KIF26B: variants seen among roughly 807,000 people sequenced by gnomAD.
The protein encoded by KIF26B is kinesin-like protein KIF26B.
In KIF26B, 63 loss-of-function variants were observed where a neutral mutation model predicts 151.2. The ratio of observed to expected loss-of-function variants is 0.42; its 90% CI spans 0.34 to 0.51. The LOEUF (loss-of-function observed/expected upper bound fraction) is 0.51, where lower values mean the gene tolerates loss of function less well. KIF26B is among the 20% of genes least tolerant of loss of function. KIF26B has a pLI of 0.07. For missense variants in KIF26B, 2,813 were observed against 2,913.6 expected (o/e 0.97, Z 0.79); for synonymous variants, 1,357 against 1,262.1 (o/e 1.08, Z -1.59).
chr1:245,466,005 C>T (rs1382160764), intron 4 of KIF26B, among the ~76,000 whole-genome samples: 1 of 152,216 alleles, frequency 6.6e-6, no homozygotes, highest in African/African-American at 2.4e-5. Context: ...TGGACCTGGA[C>T]GGGCAAGTGT....
chr1:245,598,723 C>G (rs2043359852), intron 5 of KIF26B, among the ~76,000 whole-genome samples: 1 of 152,160 alleles, frequency 6.6e-6, no homozygotes. Context: ...CCGTCCAGAA[C>G]AAGGTGCTGA....
At chr1:245,163,690 AAG>A (rs1668569199) in intron 2 of KIF26B, among the ~76,000 whole-genome samples, 2 of 152,198 alleles carry the variant, frequency 1.3e-5, no homozygotes, top group South Asian at 4.1e-4. Flanking sequence ...AGCAATTTTT[AAG>A]AGTTTCTTCA....
At chr1:245,275,123 G>A (rs909531329) in intron 2 of KIF26B, among the ~76,000 whole-genome samples, 14 of 152,138 alleles carry the variant, frequency 9.2e-5, no homozygotes, top group Non-Finnish European at 2.1e-4. Flanking sequence ...CCACATAAAT[G>A]TCTTCTTTTG....
intron 3 of KIF26B, among the ~76,000 whole-genome samples, chr1:245,369,790 C>A (rs1350884525): frequency 6.6e-6 from 1 of 152,160 alleles, no homozygotes; most frequent in Admixed American, 6.5e-5. Context: ...CCTTTTCAGA[C>A]CTGGTGTCAC....
intron 5 of KIF26B, among the ~76,000 whole-genome samples, chr1:245,576,986 A>G (rs2043124578): frequency 6.6e-6 from 1 of 152,176 alleles, no homozygotes; most frequent in African/African-American, 2.4e-5. Flanking sequence ...CATTTCACTT[A>G]TATACTTTGG....
At chr1:245,190,259 A>G (rs1191279159) in intron 2 of KIF26B, among the ~76,000 whole-genome samples, 2 of 152,186 alleles carry the variant, frequency 1.3e-5, no homozygotes, top group African/African-American at 4.8e-5. Flanking sequence ...TCAGCAGCCT[A>G]TGGGATGTTC....
chr1:245,553,805 G>T (rs1233134256), intron 5 of KIF26B, among the ~76,000 whole-genome samples: 2 of 152,148 alleles, frequency 1.3e-5, no homozygotes, highest in Non-Finnish European at 2.9e-5. Flanking sequence ...AGGCACCCGG[G>T]TGATTCCATT....
At position 245,688,048 on chromosome 1, in the gene KIF26B, T is replaced by C. The variant is rs1330986781; in HGVS notation, c.5065T>C (p.Ser1689Pro). Residue 1689 changes from serine (S) to proline (P), a missense_variant, in exon 12 of 15, where the codon TCC (serine) becomes CCC (proline). By Grantham distance (74) the Ser-to-Pro change is moderately conservative. This residue lies in a region of KIF26B where 2,060 missense variants were observed against 2,088.6 expected (regional missense o/e 0.99). Transcript: ENST00000407071. ...CLSLERAESL[S>P]SVSSRLHAGK... ...CTCCCTGGAGCGGGCCGAGAGCCTG[T>C]CCTCCGTGAGCTCCCGGCTGCACGC... 10 of 1,554,794 alleles carry C rather than the reference T, an allele frequency of 6.4e-6. No individual in the cohort carries two copies. The highest frequency in any genetic ancestry group is 8.7e-6 in the Non-Finnish European group (10 of 1,149,816).
rs901154186 is a variant in KIF26B at position 245,698,052 on chromosome 1, C to CA, written c.5825-47dup. On this transcript the variant is annotated intron_variant, in intron 12 of 14. Coordinates refer to ENST00000407071, the MANE Select transcript of KIF26B (RefSeq NM_018012.4). The surrounding 1 kb of genome is among the most constrained non-coding windows in gnomAD (Gnocchi z 4.0). ...GCAAGACCCTGTCTCAAAAAAACAA[C>CA]AAAAAAATTGAAATTCAGAAAGACT... 1.6e-5 allele frequency: 24 copies of CA among 1,532,842 alleles called. No individual in the cohort carries two copies. The Admixed American group carries it at 2.6e-4, about 16-fold the overall frequency. The allele number at this position is 1,532,842 out of a possible 1,614,324, so 95.0% of individuals were successfully genotyped here. A position where few individuals can be genotyped will look rare whatever the true frequency, so the allele number is the denominator to read the frequency against.
intron 3 of KIF26B, among the ~76,000 whole-genome samples, chr1:245,403,558 G>A (rs1018815308): frequency 2.4e-4 from 37 of 152,206 alleles, no homozygotes; most frequent in African/African-American, 7.5e-4. Flanking sequence ...GTGTGCGCGC[G>A]CATGTGTGTG....
In KIF26B at chr1:245,571,123, A is replaced by C. The variant is rs1453136433; in HGVS notation, c.1350+30173A>C. 2.0e-5 allele frequency among the ~76,000 whole-genome samples: 3 copies of C among 152,336 alleles called. 1 individual carries two copies. The East Asian group carries it at 5.8e-4, about 29-fold the overall frequency. On this transcript the variant is annotated intron_variant, in intron 5 of 14. Coordinates refer to ENST00000407071, the MANE Select transcript of KIF26B (RefSeq NM_018012.4). ...TAGATCCTAAGTCCCTCCATGACAA[A>C]GACCTGGATTCGTTCACACATTTAG...
chr1:245,551,888 C>T (rs1201861014), intron 5 of KIF26B, among the ~76,000 whole-genome samples: 4 of 152,110 alleles, frequency 2.6e-5, no homozygotes, highest in African/African-American at 9.7e-5. Context: ...GCTTCCGTAA[C>T]CCCCCAAAGT....
At chr1:245,364,129 C>G (rs1399866489) in intron 2 of KIF26B, among the ~76,000 whole-genome samples, 1 of 152,172 alleles carries the variant, frequency 6.6e-6, no homozygotes, top group Admixed American at 6.5e-5. Context: ...CATGCACCCT[C>G]AGACCCCCAG....
At chr1:245,450,692 A>T (rs1040512140) in intron 4 of KIF26B, among the ~76,000 whole-genome samples, 1 of 152,196 alleles carries the variant, frequency 6.6e-6, no homozygotes, top group African/African-American at 2.4e-5. Flanking sequence ...TAGGATTTAG[A>T]GTCAAAAGTG....
At chr1:245,275,619 C>A (rs1813533) in intron 2 of KIF26B, among the ~76,000 whole-genome samples, 1 of 151,914 alleles carries the variant, frequency 6.6e-6, no homozygotes, top group Non-Finnish European at 1.5e-5. Context: ...TGTCAGGTTT[C>A]TCAAAAGATC....
At chr1:245,163,501 T>TA (rs1283591908) in intron 2 of KIF26B, among the ~76,000 whole-genome samples, 1 of 152,182 alleles carries the variant, frequency 6.6e-6, no homozygotes, top group Non-Finnish European at 1.5e-5. Flanking sequence ...GGGCTAGCTC[T>TA]CTCTCCCTCA....
intron 2 of KIF26B, among the ~76,000 whole-genome samples, chr1:245,329,668 T>C (rs6681738): frequency 0.28 from 43,115 of 151,982 alleles, 9,598 homozygotes; most frequent in African/African-American, 0.6. Flanking sequence ...CCTGCCCCTT[T>C]CCAGGCTCCC....
chr1:245,157,334 A>G (rs923912364), intron 2 of KIF26B, among the ~76,000 whole-genome samples: 1 of 152,214 alleles, frequency 6.6e-6, no homozygotes, highest in Non-Finnish European at 1.5e-5. Context: ...GGGGATAGCA[A>G]TGCGATTGTA....
intron 2 of KIF26B, among the ~76,000 whole-genome samples, chr1:245,210,651 G>C (rs997443851): frequency 6.6e-6 from 1 of 152,064 alleles, no homozygotes; most frequent in African/African-American, 2.4e-5. Context: ...TGGAGGGTGA[G>C]TGTTTCCAGA....
Sources: allele counts gnomAD v4.1 joint callset (sites outside exome capture counted in the v4.1 genomes callset), GRCh38; gene constraint gnomAD v4.1.1; regional missense constraint gnomAD v4.1.1; non-coding constraint Gnocchi (gnomAD v3.1); transcripts MANE v1.5; gene names NCBI Gene and HGNC (gene_info 2026-07-23, HGNC 2026-07-21).